MAP2: variants seen among roughly 807,000 people sequenced by gnomAD.
MAP2 encodes microtubule associated protein 2.
MAP2 carries 14 observed loss-of-function variants against 137.6 expected under a neutral mutation model. The observed-to-expected ratio is 0.10, with a 90% confidence interval of 0.07 to 0.16. The LOEUF (loss-of-function observed/expected upper bound fraction) is 0.16, where lower values mean the gene tolerates loss of function less well. MAP2 is among the 10% of genes least tolerant of loss of function. The pLI is 1.00. For missense variants in MAP2, 2,088 were observed against 2,191.5 expected (o/e 0.95, Z 0.94); for synonymous variants, 786 against 782.3 (o/e 1.00, Z -0.08).
intron 13 of MAP2, among the ~76,000 whole-genome samples, chr2:209,719,706 A>C (rs775241132): frequency 6.6e-6 from 1 of 152,210 alleles, no homozygotes; most frequent in Non-Finnish European, 1.5e-5. Context: ...CACACAAGGA[A>C]TATCCAGAAA....
intron 3 of MAP2, among the ~76,000 whole-genome samples, chr2:209,603,521 G>A (rs547851742): frequency 2.0e-5 from 3 of 152,176 alleles, no homozygotes; most frequent in Non-Finnish European, 2.9e-5. Flanking sequence ...AAGCAGGCAC[G>A]GAGTAACCAT....
At chr2:209,593,745 A>T (rs1422764221) in intron 3 of MAP2, among the ~76,000 whole-genome samples, 1 of 818 alleles carries the variant, frequency 1.2e-3, no homozygotes, top group East Asian at 0.5. Context: ...AATACATTAT[A>T]TTATATTATA....
Position 209,693,245 on chromosome 2 carries a change from C to G in MAP2, c.1075C>G (p.Pro359Ala), listed in dbSNP as rs2059405152. Residue 359 changes from proline (P) to alanine (A), a missense_variant, in exon 8 of 16, where the codon CCA becomes GCA. This residue lies in a region of MAP2 where 859 missense variants were observed against 794.5 expected (regional missense o/e 1.08). Transcript: ENST00000682079. Reference sequence around the variant, plus strand: ...AAAATCTCTGCAACAAACCAGTGGCCCAGCTACTGCCAAAGATAGTTTTAA... The same window carrying G: ...AAAATCTCTGCAACAAACCAGTGGCGCAGCTACTGCCAAAGATAGTTTTAA... ...DKKSLQQTSG[P>A]ATAKDSFKIE... 2 of 1,614,010 alleles carry G rather than the reference C, an allele frequency of 1.2e-6. No individual in the cohort carries two copies.
At chr2:209,494,496 T>A (rs949374034) in intron 1 of MAP2, among the ~76,000 whole-genome samples, 2 of 150,738 alleles carry the variant, frequency 1.3e-5, no homozygotes, top group Admixed American at 6.6e-5. Flanking sequence ...TGACCTTTGG[T>A]CATCCTCACT....
At position 209,697,002 on chromosome 2, in the gene MAP2, C is replaced by A. The variant is rs757633461; in HGVS notation, c.4473C>A (p.Ile1491=). The A allele has an allele frequency of 6.2e-7, 1 of 1,613,350 alleles. No individual in the cohort carries two copies. The highest frequency in any genetic ancestry group is 1.1e-5 in the South Asian group (1 of 90,940). The change falls in exon 10 of 16, where the codon ATC becomes ATA. Residue 1491 remains isoleucine (I), a synonymous_variant. Coordinates refer to ENST00000682079, the MANE Select transcript of MAP2 (RefSeq NM_001375505.1). The stretch of plus-strand genomic sequence containing the variant: ...GGAAATTCATTTTAAAACCTGCTAT[C>A]AAATATACTAGACCAACTCATCTCT... ...PSRKFILKPA[I]KYTRPTHLSC...
intron 2 of MAP2, among the ~76,000 whole-genome samples, chr2:209,544,080 A>G (rs2067543740): frequency 6.6e-6 from 1 of 151,992 alleles, no homozygotes; most frequent in Non-Finnish European, 1.5e-5. Context: ...ATACAAAAAC[A>G]AAATTAGCCA....
intron 7 of MAP2, among the ~76,000 whole-genome samples, chr2:209,691,225 G>T (rs950097212): frequency 6.6e-6 from 1 of 151,390 alleles, no homozygotes; most frequent in South Asian, 2.1e-4. Context: ...CAATTCATAT[G>T]CTTTTATTTC....
At chr2:209,612,441 GA>G (rs1487118872) in intron 3 of MAP2, among the ~76,000 whole-genome samples, 2 of 151,934 alleles carry the variant, frequency 1.3e-5, no homozygotes, top group Admixed American at 1.3e-4. Context: ...ATTTCTTTAT[GA>G]AAAAATGGTT....
At chr2:209,604,930 G>A (rs939275225) in intron 3 of MAP2, among the ~76,000 whole-genome samples, 1 of 152,034 alleles carries the variant, frequency 6.6e-6, no homozygotes, top group Non-Finnish European at 1.5e-5. Context: ...AACTTTAGAG[G>A]CTGTTGAACA....
chr2:209,474,083 G>A (rs1325341778), intron 1 of MAP2, among the ~76,000 whole-genome samples: 1 of 152,138 alleles, frequency 6.6e-6, no homozygotes, highest in Non-Finnish European at 1.5e-5. Context: ...ATCTGAGGAG[G>A]CAAACTTTAG....
Position 209,525,558 on chromosome 2 carries a change from C to A in MAP2, c.-172+17917C>A, listed in dbSNP as rs372976027. On this transcript the variant is annotated intron_variant, in intron 2 of 15. Coordinates refer to ENST00000682079, the MANE Select transcript of MAP2 (RefSeq NM_001375505.1). Reference sequence around the variant, plus strand: ...CAAGCCCATTCCTGCATGGACTAAGCCTTCGAGTGGCCTTGAATTAGAAAG... The same window carrying A: ...CAAGCCCATTCCTGCATGGACTAAGACTTCGAGTGGCCTTGAATTAGAAAG... Among the ~76,000 whole-genome samples the A allele has an allele frequency of 6.5e-4, 99 of 152,232 alleles. 1 individual carries two copies. Among genetic ancestry groups the A allele is most frequent in the African/African-American group, 2.3e-3 (97 of 41,552 alleles).
chr2:209,667,194 T>C (rs1339647253), intron 5 of MAP2, among the ~76,000 whole-genome samples: 1 of 151,982 alleles, frequency 6.6e-6, no homozygotes, highest in African/African-American at 2.4e-5. Context: ...TAGCTTTTGA[T>C]CACCTTCTAG....
At position 209,654,645 on chromosome 2, in the gene MAP2, A is replaced by G. The variant is rs1484510886; in HGVS notation, c.262+1213A>G. On this transcript the variant is annotated intron_variant, in intron 5 of 15. Transcript: ENST00000682079. ...ATTTTTCTATAGCTGAGTATACACAACTTTAACAGGGTGGAACTTGGGTGT... is the reference window on the plus strand; with the variant it reads ...ATTTTTCTATAGCTGAGTATACACAGCTTTAACAGGGTGGAACTTGGGTGT... Among the ~76,000 whole-genome samples the G allele has an allele frequency of 4.6e-5, 7 of 152,082 alleles. No homozygotes were observed. The South Asian group carries it at 1.2e-3, about 27-fold the overall frequency.
At chr2:209,592,046 A>C (rs1017545530) in intron 3 of MAP2, among the ~76,000 whole-genome samples, 1 of 152,196 alleles carries the variant, frequency 6.6e-6, no homozygotes, top group Non-Finnish European at 1.5e-5. Flanking sequence ...CCTGCTTTTC[A>C]AGTGAAAATA....
rs181718231 is a variant in MAP2, at chr2:209,660,772, C to T, written c.262+7340C>T. Among the ~76,000 whole-genome samples, 922 of 145,462 alleles carry T rather than the reference C, an allele frequency of 6.3e-3. 7 individuals are homozygous for T. The highest frequency in any genetic ancestry group is 0.022 in the African/African-American group (863 of 39,420). ...ATTTTGAGACCGAGTCTCGCTCTGT[C>T]GCCCAGGCTGGAGTGCAGTGGCGCG... On this transcript the variant is annotated intron_variant, in intron 5 of 15. Coordinates refer to ENST00000682079, the MANE Select transcript of MAP2 (RefSeq NM_001375505.1).
At chr2:209,534,431 G>A (rs2065648593) in intron 2 of MAP2, among the ~76,000 whole-genome samples, 1 of 152,180 alleles carries the variant, frequency 6.6e-6, no homozygotes, top group African/African-American at 2.4e-5. Context: ...CATTTGCCAG[G>A]GGGTTATGGT....
chr2:209,434,048 A>G (rs1695045988), intron 1 of MAP2, among the ~76,000 whole-genome samples: 1 of 152,110 alleles, frequency 6.6e-6, no homozygotes, highest in Non-Finnish European at 1.5e-5. Flanking sequence ...AATGGTCTAA[A>G]TCTCCTGACA....
intron 3 of MAP2, among the ~76,000 whole-genome samples, chr2:209,616,569 G>C (rs539502080): frequency 9.8e-5 from 15 of 152,290 alleles, no homozygotes; most frequent in African/African-American, 3.6e-4. Context: ...TCTACACAAA[G>C]TTAACCAGTA....
At position 209,694,465 on chromosome 2, in the gene MAP2, G is replaced by A; in HGVS notation, c.2295G>A (p.Glu765=). The change falls in exon 8 of 16, where the codon GAG becomes GAA. Residue 765 remains glutamate, a synonymous_variant. Coordinates refer to ENST00000682079, the MANE Select transcript of MAP2 (RefSeq NM_001375505.1). ...CTTGCTTCCCTGTAGAAAGCAAAGA[G>A]GAAGAACAGATAGAGAAAGTAAAAG... ...KAPCFPVESK[E]EEQIEKVKAT... is the part of the protein sequence containing the mutation. The A allele has an allele frequency of 1.9e-6, 3 of 1,614,040 alleles. No homozygotes were observed. Among genetic ancestry groups the A allele is most frequent in the South Asian group, 1.1e-5 (1 of 91,080 alleles).
Sources: gnomAD v4.1 joint callset for allele counts (sites outside exome capture counted in the v4.1 genomes callset) on GRCh38, gnomAD v4.1.1 for gene constraint, gnomAD v4.1.1 regional missense constraint, MANE v1.5 for transcripts, NCBI Gene and HGNC (gene_info 2026-07-23, HGNC 2026-07-21) for gene names.